MINDY4: variants seen among roughly 807,000 people sequenced by gnomAD.
MINDY4 encodes probable ubiquitin carboxyl-terminal hydrolase MINDY-4.
Under a neutral mutation model 87.0 loss-of-function variants are expected in MINDY4, and 68 were observed. The ratio of observed to expected loss-of-function variants is 0.78; its 90% CI spans 0.64 to 0.96. The LOEUF (loss-of-function observed/expected upper bound fraction) is 0.96. Among genes scored for constraint, MINDY4 ranks in the 40% least tolerant of loss-of-function variants. MINDY4 has a pLI of 0.00. For synonymous variants in MINDY4, 379 were observed against 363.2 expected (o/e 1.04, Z -0.50); for missense variants, 919 against 928.2 (o/e 0.99, Z 0.13).
intron 6 of MINDY4, among the ~76,000 whole-genome samples, chr7:30,830,221 G>A (rs1284424996): frequency 1.3e-5 from 2 of 152,152 alleles, no homozygotes; most frequent in Non-Finnish European, 2.9e-5. Flanking sequence ...TGCAAGGCTC[G>A]GTAGAAGGCA....
rs368190972 is a variant in MINDY4, at chr7:30,771,960, ACTT to A, written c.63+407_63+409del. Among the ~76,000 whole-genome samples the A allele has an allele frequency of 1.7e-3, 262 of 152,356 alleles. 3 individuals carry two copies. The highest frequency in any genetic ancestry group is 5.5e-3 in the African/African-American group (230 of 41,592). On this transcript the variant is annotated intron_variant, in intron 1 of 17. Transcript: ENST00000265299. Reference sequence around the variant, plus strand: ...CAAGTCAGGGTCCCACTCGGAAAGAACTTCTCCCAGAGGGAACCCCAAAAGCCC... The same window carrying A: ...CAAGTCAGGGTCCCACTCGGAAAGAACTCCCAGAGGGAACCCCAAAAGCCC...
At chr7:30,807,352 C>G (rs1787845403) in intron 5 of MINDY4, among the ~76,000 whole-genome samples, 1 of 152,186 alleles carries the variant, frequency 6.6e-6, no homozygotes, top group Non-Finnish European at 1.5e-5. Flanking sequence ...TTCTCACACC[C>G]ATAGTCTCCC....
chr7:30,805,330 T>C (rs1295546231), intron 5 of MINDY4, among the ~76,000 whole-genome samples: 1 of 152,108 alleles, frequency 6.6e-6, no homozygotes, highest in African/African-American at 2.4e-5. Context: ...GAGGTGCTGC[T>C]TGAGTCAGGA....
chr7:30,788,234 A>C (rs1369200605), intron 4 of MINDY4, among the ~76,000 whole-genome samples: 1 of 152,210 alleles, frequency 6.6e-6, no homozygotes, highest in Non-Finnish European at 1.5e-5. Context: ...CAGAAAACTG[A>C]GATATTTTTC....
At chr7:30,774,920 A>G (rs997218380) in intron 1 of MINDY4, among the ~76,000 whole-genome samples, 1 of 151,850 alleles carries the variant, frequency 6.6e-6, no homozygotes, top group Non-Finnish European at 1.5e-5. Context: ...CATACCATCT[A>G]TATGCTGACA....
intron 4 of MINDY4, 137 bp from the exon 5 acceptor site, chr7:30,791,028 T>C (rs908179115): frequency 6.3e-5 from 57 of 904,786 alleles, no homozygotes; most frequent in Non-Finnish European, 8.8e-5. Context: ...TAGGCAAGAT[T>C]TTAAGGGAAA....
chr7:30,828,576 GACTT>G (rs1788591533), intron 5 of MINDY4, 99 bp from the exon 6 acceptor site: 1 of 1,194,012 alleles, frequency 8.4e-7, no homozygotes, highest in East Asian at 2.3e-5. Context: ...AGACTAGAGA[GACTT>G]GTCTCCTGAA....
intron 15 of MINDY4, among the ~76,000 whole-genome samples, chr7:30,881,215 T>A (rs1165888472): frequency 6.6e-6 from 1 of 152,072 alleles, no homozygotes; most frequent in Non-Finnish European, 1.5e-5. Context: ...TGGGGGAAAG[T>A]GCATGGAGGC....
At chr7:30,855,961 A>AG (rs1432982433) in intron 12 of MINDY4, among the ~76,000 whole-genome samples, 1 of 152,254 alleles carries the variant, frequency 6.6e-6, no homozygotes, top group African/African-American at 2.4e-5. Context: ...TGGGCCTAAG[A>AG]GGGGTTCCTC....
At chr7:30,880,442 G>A (rs569833922) in intron 15 of MINDY4, among the ~76,000 whole-genome samples, 1 of 152,184 alleles carries the variant, frequency 6.6e-6, no homozygotes, top group East Asian at 1.9e-4. Context: ...TAAAGTCTGT[G>A]GGCAGCTTTT....
At chr7:30,852,145 G>C (rs986800438) in intron 10 of MINDY4, 71 bp from the exon 11 acceptor site, 5 of 1,564,674 alleles carry the variant, frequency 3.2e-6, no homozygotes, top group Non-Finnish European at 4.4e-6. Flanking sequence ...TGACACATGT[G>C]GTTTCGCCCC....
At chr7:30,822,626 A>G (rs199507615) in intron 5 of MINDY4, among the ~76,000 whole-genome samples, 1 of 81,252 alleles carries the variant, frequency 1.2e-5, no homozygotes, top group African/African-American at 1.1e-4. Flanking sequence ...GTGCCTGTCT[A>G]TTTTATTTAT....
chr7:30,823,799 G>A (rs1295207740), intron 5 of MINDY4, among the ~76,000 whole-genome samples: 2 of 151,870 alleles, frequency 1.3e-5, no homozygotes, highest in African/African-American at 4.8e-5. Flanking sequence ...TTTGTTTTGA[G>A]CATATTTTAG....
chr7:30,884,906 A>G (rs985885923), intron 17 of MINDY4, among the ~76,000 whole-genome samples: 3 of 152,016 alleles, frequency 2.0e-5, no homozygotes, highest in African/African-American at 4.8e-5. Context: ...TTCCTCTTCT[A>G]TTGGCTGCCT....
intron 9 of MINDY4, 72 bp downstream of exon 9, chr7:30,840,920 A>G (rs1789013637): frequency 6.7e-6 from 9 of 1,348,570 alleles, no homozygotes; most frequent in South Asian, 5.0e-5. Context: ...AAAAACAAGC[A>G]AGGAAGCATG....
At chr7:30,796,496 A>T (rs898483537) in intron 5 of MINDY4, among the ~76,000 whole-genome samples, 2 of 152,246 alleles carry the variant, frequency 1.3e-5, no homozygotes, top group Admixed American at 1.3e-4. Flanking sequence ...TTAGACTTTT[A>T]AAAAAGATTT....
At chr7:30,800,137 G>A (rs1562534941) in intron 5 of MINDY4, among the ~76,000 whole-genome samples, 1 of 152,164 alleles carries the variant, frequency 6.6e-6, no homozygotes, top group Non-Finnish European at 1.5e-5. Context: ...CCTGTCTGAG[G>A]CAGCTGGGTG....
chr7:30,864,503 G>A (rs373727677), intron 13 of MINDY4, among the ~76,000 whole-genome samples: 2 of 152,260 alleles, frequency 1.3e-5, no homozygotes, highest in East Asian at 1.9e-4. Context: ...ATTGGTGTCT[G>A]TTCTTTTGTC....
At chr7:30,885,291 G>A (rs1219048849) in intron 17 of MINDY4, among the ~76,000 whole-genome samples, 1 of 152,110 alleles carries the variant, frequency 6.6e-6, no homozygotes. Flanking sequence ...AGGCCGAGAC[G>A]GGCAGATCAC....
Sources: allele counts gnomAD v4.1 joint callset (sites outside exome capture counted in the v4.1 genomes callset), GRCh38; gene constraint gnomAD v4.1.1; transcripts MANE v1.5; gene names NCBI Gene and HGNC (gene_info 2026-07-23, HGNC 2026-07-21).